Variants in BBS2 observed in about 807,000 individuals in gnomAD.
The protein encoded by BBS2 is BBSome complex member BBS2.
Under a neutral mutation model 83.0 loss-of-function variants are expected in BBS2, and 62 were observed. The ratio of observed to expected loss-of-function variants is 0.75; its 90% CI spans 0.61 to 0.92. The LOEUF (loss-of-function observed/expected upper bound fraction) is 0.92. Ranked by LOEUF, BBS2 falls within the 40% of genes least tolerant of loss-of-function variation. The probability of loss-of-function intolerance (pLI) is 0.00; values close to 1 mark genes in which losing one functional copy is unlikely to be tolerated. For synonymous variants in BBS2, 303 were observed against 326.1 expected, an observed-to-expected ratio of 0.93 and a Z score of 0.76; for missense variants, 784 against 901.0, an observed-to-expected ratio of 0.87 and a Z score of 1.66.
chr16:56,500,980 G>T lies in BBS2; in HGVS notation c.1271C>A (p.Thr424Lys), dbSNP rs974637696. The change falls in exon 11 of 17, where the codon ACA becomes AAA. Residue 424 changes from threonine to lysine, a missense_variant. Thr to Lys is a moderately conservative substitution (Grantham distance 78, BLOSUM62 -1). Coordinates refer to ENST00000245157, the MANE Select transcript of BBS2 (RefSeq NM_031885.5). ...AVLIFAEGIFTGESHVVHPSI... is the reference protein window; with the variant it reads ...AVLIFAEGIFKGESHVVHPSI... ...GGGATGTACCACGTGGCTTTCACCT[G>T]TAAAAATTCCTTCTGCAAAAATCAA... 1 of 1,614,146 alleles carries T rather than the reference G, an allele frequency of 6.2e-7. No homozygotes were observed. The highest frequency in any genetic ancestry group is 2.2e-5 in the East Asian group (1 of 44,874).
Position 56,506,212 on chromosome 16 carries a change from G to C in BBS2, c.625C>G (p.Leu209Val). The change falls in exon 6 of 17, where the codon CTT becomes GTT. Residue 209 changes from leucine to valine, a missense_variant. Coordinates refer to ENST00000245157, the MANE Select transcript of BBS2 (RefSeq NM_031885.5). ...EMTETEIVTS[L>V]CPMYGSRFGY... ...AATCGACTGCCATACATGGGACAAA[G>C]AGAGGTGACTATCTGCAAAACAATC... 3.7e-6 allele frequency: 6 copies of C among 1,613,498 alleles called. No individual in the cohort carries two copies. The highest frequency in any genetic ancestry group is 5.1e-6 in the Non-Finnish European group (6 of 1,179,552).
At chr16:56,498,930 T>C in intron 12 of BBS2, 1 of 374,092 alleles carries the variant, frequency 2.7e-6, no homozygotes, top group Non-Finnish European at 5.1e-6. Flanking sequence ...AGCTCTTCTG[T>C]GGGTATAACC....
intron 17 of BBS2, chr16:56,478,975 T>C (rs547942050): frequency 3.9e-5 from 6 of 152,308 alleles, no homozygotes; most frequent in African/African-American, 7.2e-5. Flanking sequence ...AGTACTTCAT[T>C]TTGCATCTTG....
intron 15 of BBS2, among the ~76,000 whole-genome samples, chr16:56,495,163 AATTC>A (rs1322689711): frequency 6.6e-6 from 1 of 152,130 alleles, no homozygotes; most frequent in Non-Finnish European, 1.5e-5. Context: ...GGAACCAAAT[AATTC>A]ATTAATTCAT....
intron 1 of BBS2, 113 bp downstream of exon 1, chr16:56,519,633 G>C (rs1324229167): frequency 1.2e-6 from 1 of 837,362 alleles, no homozygotes; most frequent in African/African-American, 1.7e-5. Context: ...ACCGGTTGCC[G>C]GGCAACACGG....
chr16:56,502,595 C>T (rs1964306661), intron 8 of BBS2, 78 bp downstream of exon 8: 1 of 1,611,056 alleles, frequency 6.2e-7, no homozygotes, highest in South Asian at 1.1e-5. Flanking sequence ...ACAAATACTT[C>T]AGGTGAAATT....
At chr16:56,500,403 A>C (rs1597014769) in intron 11 of BBS2, 1 of 246,070 alleles carries the variant, frequency 4.1e-6, no homozygotes, top group East Asian at 1.1e-4. Flanking sequence ...AGGCGGGTGG[A>C]TCACCTGAGG....
chr16:56,498,333 G>A lies in BBS2; in HGVS notation c.1659+104C>T, dbSNP rs1407290896. On this transcript the variant is annotated intron_variant, in intron 13 of 16. Coordinates refer to ENST00000245157, the MANE Select transcript of BBS2 (RefSeq NM_031885.5). ...CCCCCACCTCACTTTGGACTGAATG[G>A]TAAACACCACATGAGAAATCTATGC... 19 of 1,456,820 alleles carry A rather than the reference G, an allele frequency of 1.3e-5. No individual in the cohort carries two copies. The East Asian group carries it at 3.3e-4, about 25-fold the overall frequency. 90.2% of individuals were successfully genotyped at this position (1,456,820 alleles called of 1,614,324 possible).
intron 17 of BBS2, among the ~76,000 whole-genome samples, chr16:56,474,487 A>G (rs1479914721): frequency 6.6e-6 from 1 of 151,594 alleles, no homozygotes; most frequent in African/African-American, 2.4e-5. Context: ...CGCCTGGCTA[A>G]TTTTGTATTT....
rs1480665336 is a variant in BBS2 at position 56,501,345 on chromosome 16, T to C, written c.1225+8A>G. 1.2e-6 allele frequency: 2 copies of C among 1,613,924 alleles called. No individual in the cohort carries two copies. Among genetic ancestry groups the C allele is most frequent in the South Asian group, 1.1e-5 (1 of 91,072 alleles). On this transcript the variant is annotated splice_region_variant and intron_variant, in intron 10 of 16. Coordinates refer to ENST00000245157, the MANE Select transcript of BBS2 (RefSeq NM_031885.5). ...GCCTCTAAATACCAGCTGTGAGTAC[T>C]GTCTTACCATTAGAAGTGGAAATGC...
intron 16 of BBS2, 51 bp downstream of exon 16, chr16:56,485,539 T>C: frequency 6.2e-7 from 1 of 1,607,716 alleles, no homozygotes; most frequent in South Asian, 1.1e-5. Flanking sequence ...TTCAATGAGT[T>C]CCACCAAAAA....
At chr16:56,479,760 C>T (rs1449718594), downstream of BBS2, among the ~76,000 whole-genome samples, 3 of 152,252 alleles carry the variant, frequency 2.0e-5, no homozygotes, top group Non-Finnish European at 2.9e-5. Flanking sequence ...TGAACCACAC[C>T]TGTGCCTGGG....
At position 56,502,331 on chromosome 16, in the gene BBS2, C is replaced by A. The variant is rs1192804794; in HGVS notation, c.1066G>T (p.Glu356Ter). 2 of 1,614,200 alleles carry A rather than the reference C, an allele frequency of 1.2e-6. No individual in the cohort carries two copies. The highest frequency in any genetic ancestry group is 1.7e-6 in the Non-Finnish European group (2 of 1,180,044). Residue 356 changes from glutamate to a stop codon, truncating the protein, a stop_gained, in exon 9 of 17, where the codon GAG becomes TAG. Transcript: ENST00000245157. LOFTEE classifies it high-confidence loss of function. The part of the protein sequence containing the change: ...QNLLLELRNY[E>*]ENAKAELASP... ...CCTACACCTACCTTGGCATTTTCCTCATAGTTACGGAGTTCCAGCAACAGA... is the reference window on the plus strand; with the variant it reads ...CCTACACCTACCTTGGCATTTTCCTAATAGTTACGGAGTTCCAGCAACAGA...
chr16:56,489,945 G>A (rs767811470), intron 15 of BBS2, among the ~76,000 whole-genome samples: 4 of 151,916 alleles, frequency 2.6e-5, no homozygotes, highest in Non-Finnish European at 5.9e-5. Flanking sequence ...GCAACAGAGC[G>A]AGACCCTGGG....
chr16:56,519,415 G>T lies in BBS2; in HGVS notation c.117+331C>A, dbSNP rs186279501. 91 of 261,402 alleles carry T rather than the reference G, an allele frequency of 3.5e-4. 3 individuals are homozygous for T. The Admixed American group carries it at 4.4e-3, about 13-fold the overall frequency. 16.2% of individuals were successfully genotyped at this position (261,402 alleles called of 1,614,324 possible). A position where few individuals can be genotyped will look rare whatever the true frequency, so the allele number is the denominator to read the frequency against. ...TTCCAAGTGACAAGCAGAGGCCCCT[G>T]GCTTGAATCTGGGGTCGGTTATTAC... On this transcript the variant is annotated intron_variant, in intron 1 of 16. Coordinates refer to ENST00000245157, the MANE Select transcript of BBS2 (RefSeq NM_031885.5).
chr16:56,508,770 C>G (rs1251222385), intron 5 of BBS2, among the ~76,000 whole-genome samples: 1 of 151,908 alleles, frequency 6.6e-6, no homozygotes, highest in Non-Finnish European at 1.5e-5. Flanking sequence ...CTCAGTCTCC[C>G]AAGCAGCTGG....
intron 17 of BBS2, among the ~76,000 whole-genome samples, chr16:56,472,853 A>G (rs1384097218): frequency 2.0e-5 from 3 of 152,124 alleles, no homozygotes; most frequent in Admixed American, 6.5e-5. Flanking sequence ...TACATCCTTT[A>G]TAACAATAGA....
At chr16:56,517,635 A>G (rs1964789408) in intron 1 of BBS2, among the ~76,000 whole-genome samples, 1 of 152,212 alleles carries the variant, frequency 6.6e-6, no homozygotes, top group South Asian at 2.1e-4. Context: ...GTAAGCTCCA[A>G]GGGGGCAAAA....
chr16:56,475,756 T>C (rs955307368), intron 17 of BBS2, among the ~76,000 whole-genome samples: 3 of 152,210 alleles, frequency 2.0e-5, no homozygotes, highest in Admixed American at 6.5e-5. Flanking sequence ...TAAGCATTTA[T>C]TTTACCCTCC....
Sources: gnomAD v4.1 joint callset for allele counts (sites outside exome capture counted in the v4.1 genomes callset) on GRCh38, gnomAD v4.1.1 for gene constraint, MANE v1.5 for transcripts, NCBI Gene and HGNC (gene_info 2026-07-23, HGNC 2026-07-21) for gene names.